Variants in PTPRR observed in about 807,000 individuals in gnomAD.
The protein encoded by PTPRR is receptor-type tyrosine-protein phosphatase R.
PTPRR carries 38 observed loss-of-function variants against 77.2 expected under a neutral mutation model. The observed-to-expected ratio is 0.49, with a 90% confidence interval of 0.38 to 0.65. The LOEUF (loss-of-function observed/expected upper bound fraction) is 0.65. Ranked by LOEUF, PTPRR falls within the 30% of genes least tolerant of loss-of-function variation. The pLI is 0.00. For synonymous variants in PTPRR, 299 were observed against 283.1 expected, an observed-to-expected ratio of 1.06 and a Z score of -0.57; for missense variants, 744 against 799.2, an observed-to-expected ratio of 0.93 and a Z score of 0.83.
intron 6 of PTPRR, among the ~76,000 whole-genome samples, chr12:70,711,203 G>A (rs1221974906): frequency 2.0e-5 from 3 of 152,242 alleles, no homozygotes; most frequent in African/African-American, 7.2e-5. Flanking sequence ...GTAATACTAT[G>A]CAGCCATAAA....
chr12:70,897,407 C>G (rs931939867), intron 1 of PTPRR, among the ~76,000 whole-genome samples: 2 of 151,976 alleles, frequency 1.3e-5, no homozygotes. Context: ...TGAAAAAATG[C>G]TCATCATCAC....
At chr12:70,730,263 C>T (rs891350221) in intron 6 of PTPRR, among the ~76,000 whole-genome samples, 1 of 152,204 alleles carries the variant, frequency 6.6e-6, no homozygotes, top group Non-Finnish European at 1.5e-5. Flanking sequence ...GTAATCCCAA[C>T]ACTTTGGGAG....
intron 2 of PTPRR, among the ~76,000 whole-genome samples, chr12:70,798,309 A>G (rs887919296): frequency 6.6e-6 from 1 of 152,100 alleles, no homozygotes; most frequent in Non-Finnish European, 1.5e-5. Context: ...AAATTCAACT[A>G]CTGTCATCTA....
At chr12:70,719,008 G>A (rs983778523) in intron 6 of PTPRR, among the ~76,000 whole-genome samples, 2 of 152,178 alleles carry the variant, frequency 1.3e-5, no homozygotes, top group African/African-American at 4.8e-5. Context: ...AGGTGCTTAA[G>A]ACATTCTGTT....
chr12:70,655,517 G>A (rs1004585399), intron 13 of PTPRR, among the ~76,000 whole-genome samples: 10 of 152,184 alleles, frequency 6.6e-5, no homozygotes, highest in Non-Finnish European at 1.2e-4. Context: ...TTGATGAATG[G>A]ATAAACAAAA....
intron 8 of PTPRR, among the ~76,000 whole-genome samples, chr12:70,685,575 G>A (rs777187681): frequency 6.6e-6 from 1 of 150,612 alleles, no homozygotes; most frequent in African/African-American, 2.4e-5. Context: ...GCTTGAACCC[G>A]AAAGGCCAAG....
chr12:70,690,700 A>C (rs1888025801), intron 8 of PTPRR, among the ~76,000 whole-genome samples: 1 of 152,216 alleles, frequency 6.6e-6, no homozygotes, highest in Non-Finnish European at 1.5e-5. Flanking sequence ...CGGTTTGTTC[A>C]CTGACAGCAC....
At chr12:70,839,487 G>A (rs886346537) in intron 2 of PTPRR, among the ~76,000 whole-genome samples, 1 of 152,142 alleles carries the variant, frequency 6.6e-6, no homozygotes, top group Non-Finnish European at 1.5e-5. Flanking sequence ...CATTTGTGAA[G>A]TTATACAGAC....
intron 1 of PTPRR, among the ~76,000 whole-genome samples, chr12:70,905,159 G>A (rs2137130853): frequency 6.6e-6 from 1 of 151,868 alleles, no homozygotes; most frequent in African/African-American, 2.4e-5. Flanking sequence ...TTCATTATAG[G>A]TAGAGGGGAG....
At chr12:70,849,794 T>C (rs1892543249) in intron 2 of PTPRR, among the ~76,000 whole-genome samples, 1 of 152,172 alleles carries the variant, frequency 6.6e-6, no homozygotes, top group South Asian at 2.1e-4. Context: ...CCTTAATTAA[T>C]TCAAATTAGG....
intron 1 of PTPRR, among the ~76,000 whole-genome samples, chr12:70,894,194 CCTA>C (rs1427167055): frequency 4.6e-5 from 7 of 151,780 alleles, no homozygotes; most frequent in Non-Finnish European, 7.4e-5. Context: ...TCTCCAATCT[CCTA>C]CTATTTTTAT....
rs570364435 is a variant in PTPRR, at chr12:70,850,708, C to T, written c.357+41971G>A. On this transcript the variant is annotated intron_variant, in intron 2 of 13. Coordinates refer to ENST00000283228, the MANE Select transcript of PTPRR (RefSeq NM_002849.4). ...CCAGACCTCTCTCTGTGCCTCTCGA[C>T]GCTTTTGGGGAATACGAAATTGATG... is the stretch of plus-strand genomic sequence containing the variant. Among the ~76,000 whole-genome samples, 18 of 152,274 alleles carry T rather than the reference C, an allele frequency of 1.2e-4. No individual in the cohort carries two copies. The South Asian group carries it at 3.3e-3, about 28-fold the overall frequency.
At chr12:70,765,911 A>G (rs1890809320) in intron 2 of PTPRR, among the ~76,000 whole-genome samples, 1 of 152,236 alleles carries the variant, frequency 6.6e-6, no homozygotes, top group African/African-American at 2.4e-5. Context: ...CAGGGTCTGG[A>G]GTAGACCTCT....
At chr12:70,813,251 A>G (rs1050715366) in intron 2 of PTPRR, among the ~76,000 whole-genome samples, 2 of 152,234 alleles carry the variant, frequency 1.3e-5, no homozygotes, top group Admixed American at 6.5e-5. Context: ...TATGCAATGT[A>G]TAGTAAAATG....
intron 2 of PTPRR, among the ~76,000 whole-genome samples, chr12:70,819,042 C>T (rs1298185142): frequency 6.6e-6 from 1 of 152,126 alleles, no homozygotes; most frequent in Non-Finnish European, 1.5e-5. Flanking sequence ...AAGAGAAGGT[C>T]AGGTGTGGTG....
At chr12:70,764,540 T>C (rs760678634) in intron 3 of PTPRR, 125 bp downstream of exon 3, 58 of 731,428 alleles carry the variant, frequency 7.9e-5, no homozygotes, top group Non-Finnish European at 1.2e-4. Flanking sequence ...TAAAATTTTA[T>C]TTGCAAAAAC....
intron 2 of PTPRR, among the ~76,000 whole-genome samples, chr12:70,846,406 A>G (rs1367479011): frequency 3.3e-5 from 5 of 152,190 alleles, no homozygotes; most frequent in Non-Finnish European, 7.3e-5. Flanking sequence ...GAACGTAGGT[A>G]CCTGGCATGG....
At chr12:70,911,685 C>G (rs1893701393) in intron 1 of PTPRR, among the ~76,000 whole-genome samples, 1 of 147,960 alleles carries the variant, frequency 6.8e-6, no homozygotes, top group Non-Finnish European at 1.5e-5. Context: ...CACTACAAAC[C>G]TGCACATATG....
At chr12:70,899,026 GAAAT>G (rs1430402047) in intron 1 of PTPRR, among the ~76,000 whole-genome samples, 1 of 151,374 alleles carries the variant, frequency 6.6e-6, no homozygotes, top group East Asian at 1.9e-4. Context: ...CACCAAAGAT[GAAAT>G]AAATAATCTA....
Sources: gnomAD v4.1 joint callset for allele counts (sites outside exome capture counted in the v4.1 genomes callset) on GRCh38, gnomAD v4.1.1 for gene constraint, MANE v1.5 for transcripts, NCBI Gene and HGNC (gene_info 2026-07-23, HGNC 2026-07-21) for gene names.